The following GUCY2C variants were observed in gnomAD, a reference collection of about 807,000 sequenced individuals.
GUCY2C encodes the protein guanylate cyclase 2C, also known as guanylyl cyclase C.
GUCY2C carries 118 observed loss-of-function variants against 131.1 expected under a neutral mutation model. The observed-to-expected ratio is 0.90, with a 90% CI of 0.78 to 1.05. The LOEUF (loss-of-function observed/expected upper bound fraction) is 1.05. Among genes scored for constraint, GUCY2C ranks in the 50% least tolerant of loss-of-function variants. The probability of loss-of-function intolerance (pLI) is 0.00; values close to 1 mark genes in which losing one functional copy is unlikely to be tolerated. For synonymous variants in GUCY2C, 452 were observed against 457.8 expected (o/e 0.99, Z 0.16); for missense variants, 1,161 against 1,304.4 (o/e 0.89, Z 1.69).
Position 14,621,114 on chromosome 12 carries a change from T to C in GUCY2C, c.2704A>G (p.Ser902Gly), listed in dbSNP as rs774990385. The change falls in exon 23 of 27, where the codon AGC (serine) becomes GGC (glycine). Residue 902 changes from serine (S) to glycine (G), a missense_variant. By Grantham distance (56) the Ser-to-Gly change is moderately conservative. Transcript: ENST00000261170. ...TCCAGCTCAAAGGTCCCCATGAAGC[T>C]GAGGATTTCCAAGGCCATCTTGGCA... ...DIAKMALEIL[S>G]FMGTFELEHL... is the part of the protein sequence containing the mutation. 1.7e-4 allele frequency: 275 copies of C among 1,613,914 alleles called. No individual in the cohort carries two copies. The highest frequency in any genetic ancestry group is 2.3e-4 in the Non-Finnish European group (270 of 1,179,926).
rs113545027 is a variant in GUCY2C at position 14,625,477 on chromosome 12, G to A, written c.2408+280C>T. On this transcript the variant is annotated intron_variant, in intron 21 of 26. Coordinates refer to ENST00000261170, the MANE Select transcript of GUCY2C (RefSeq NM_004963.4). ...CGAGTAGCTGGGACTAAAGGTGCGCGCCACCACACCTGGCTAATTTTTTTT... is the reference window on the plus strand; with the variant it reads ...CGAGTAGCTGGGACTAAAGGTGCGCACCACCACACCTGGCTAATTTTTTTT... Among the ~76,000 whole-genome samples the A allele has an allele frequency of 0.015, 2,263 of 151,836 alleles. 65 individuals carry two copies. The highest frequency in any genetic ancestry group is 0.052 in the African/African-American group (2,164 of 41,366).
chr12:14,625,548 T>C (rs1238818687), intron 21 of GUCY2C, among the ~76,000 whole-genome samples: 4 of 152,118 alleles, frequency 2.6e-5, no homozygotes, highest in African/African-American at 7.2e-5. Flanking sequence ...TTAGCCAGGA[T>C]GGTCTTGATC....
chr12:14,655,522 C>A (rs572295955), intron 12 of GUCY2C, among the ~76,000 whole-genome samples: 9 of 152,256 alleles, frequency 5.9e-5, no homozygotes, highest in African/African-American at 1.7e-4. Flanking sequence ...GGGTCAAGAG[C>A]TGGTAGAGAG....
rs1946844405 is a variant in GUCY2C, at chr12:14,619,242, G to C, written c.2844C>G (p.Asn948Lys). The change falls in exon 24 of 27, where the codon AAC becomes AAG. Residue 948 changes from asparagine (N) to lysine (K), a missense_variant. Transcript: ENST00000261170. The stretch of plus-strand genomic sequence containing the variant: ...CAGTGGATTCCATCCTAGAGGCTGT[G>C]TTGACCGTATCTCCAAATAGACAAT... Reference protein sequence around the residue: ...PRYCLFGDTVNTASRMESTGL... With the variant: ...PRYCLFGDTVKTASRMESTGL... 6.2e-7 allele frequency: 1 copy of C among 1,610,932 alleles called. No individual in the cohort carries two copies. Among genetic ancestry groups the C allele is most frequent in the African/African-American group, 1.3e-5 (1 of 74,854 alleles).
intron 16 of GUCY2C, 141 bp downstream of exon 16, chr12:14,645,087 AC>A (rs1419798493): frequency 4.5e-5 from 24 of 531,672 alleles, no homozygotes; most frequent in Non-Finnish European, 5.6e-5. Flanking sequence ...AATCCTCATA[AC>A]CTAAAATCCT....
intron 19 of GUCY2C, among the ~76,000 whole-genome samples, chr12:14,636,917 C>T (rs781074113): frequency 2.0e-5 from 3 of 151,532 alleles, no homozygotes; most frequent in South Asian, 2.1e-4. Flanking sequence ...GGTGAAACCC[C>T]GTCTCTACTA....
At chr12:14,622,766 G>C (rs1946921795) in intron 21 of GUCY2C, among the ~76,000 whole-genome samples, 1 of 152,098 alleles carries the variant, frequency 6.6e-6, no homozygotes, top group South Asian at 2.1e-4. Flanking sequence ...ACCAGATTTG[G>C]GTCCTTTGTA....
intron 6 of GUCY2C, among the ~76,000 whole-genome samples, chr12:14,677,380 T>C (rs1948257118): frequency 6.6e-6 from 1 of 152,140 alleles, no homozygotes; most frequent in African/African-American, 2.4e-5. Flanking sequence ...TTTTAGATGG[T>C]GAAACATAAG....
intron 1 of GUCY2C, among the ~76,000 whole-genome samples, 197 bp from the exon 2 acceptor site, chr12:14,688,260 T>TTCTCTC (rs137861179): frequency 6.6e-6 from 1 of 151,546 alleles, no homozygotes; most frequent in Non-Finnish European, 1.5e-5. Flanking sequence ...TCATCTCTGT[T>TTCTCTC]TCTCTCTCTC....
chr12:14,632,163 C>T (rs1192340765), intron 19 of GUCY2C, among the ~76,000 whole-genome samples: 1 of 151,968 alleles, frequency 6.6e-6, no homozygotes, highest in African/African-American at 2.4e-5. Flanking sequence ...AAAATTTTCT[C>T]CCATTTTGTA....
chr12:14,647,100 G>A (rs1947537493), intron 15 of GUCY2C, among the ~76,000 whole-genome samples: 1 of 152,098 alleles, frequency 6.6e-6, no homozygotes, highest in Non-Finnish European at 1.5e-5. Context: ...GTGGAAGAGA[G>A]AATGAAAAGG....
intron 6 of GUCY2C, among the ~76,000 whole-genome samples, chr12:14,677,225 T>C (rs566878105): frequency 1.3e-5 from 2 of 152,308 alleles, no homozygotes; most frequent in African/African-American, 4.8e-5. Context: ...TTTCTTGATT[T>C]CTTTGAGATT....
chr12:14,626,413 G>A (rs1409752521), intron 20 of GUCY2C, among the ~76,000 whole-genome samples: 2 of 152,154 alleles, frequency 1.3e-5, no homozygotes, highest in African/African-American at 4.8e-5. Context: ...GGTAATCAAC[G>A]TAGGAGAAGG....
intron 25 of GUCY2C, among the ~76,000 whole-genome samples, chr12:14,616,222 G>A (rs543132915): frequency 2.3e-4 from 35 of 152,258 alleles, no homozygotes; most frequent in African/African-American, 8.4e-4. Flanking sequence ...TGATTCTAGA[G>A]CTTCCGAATA....
intron 16 of GUCY2C, among the ~76,000 whole-genome samples, chr12:14,644,923 A>C (rs910514711): frequency 6.6e-6 from 1 of 151,728 alleles, no homozygotes; most frequent in African/African-American, 2.4e-5. Flanking sequence ...TCTTTCTTGT[A>C]GTTTTATATG....
At chr12:14,635,420 T>A (rs1947246405) in intron 19 of GUCY2C, among the ~76,000 whole-genome samples, 1 of 152,042 alleles carries the variant, frequency 6.6e-6, no homozygotes, top group Non-Finnish European at 1.5e-5. Context: ...AAATGAAAAT[T>A]TAAACACAGC....
chr12:14,689,851 T>A (rs1484881768), intron 1 of GUCY2C, among the ~76,000 whole-genome samples: 1 of 152,178 alleles, frequency 6.6e-6, no homozygotes, highest in East Asian at 1.9e-4. Context: ...ACTGAGTAAA[T>A]AGTCTATGAG....
Position 14,674,614 on chromosome 12 carries a change from T to C in GUCY2C, c.1084+11A>G, listed in dbSNP as rs1948188424. The C allele has an allele frequency of 5.0e-6, 8 of 1,612,858 alleles. No homozygotes were observed. In the East Asian group the frequency reaches 1.8e-4, roughly 36 times the overall value. On this transcript the variant is annotated intron_variant, in intron 8 of 26. Coordinates refer to ENST00000261170, the MANE Select transcript of GUCY2C (RefSeq NM_004963.4). ...TCACCTTGGGGTTATTTGCTCTTAG[T>C]AGACCAGTACCTTCAAAAGTGAGAT...
At chr12:14,674,581 A>G (rs767074288) in intron 8 of GUCY2C, 44 bp downstream of exon 8, 7 of 1,593,730 alleles carry the variant, frequency 4.4e-6, no homozygotes, top group Non-Finnish European at 1.7e-6. Flanking sequence ...CAGAAAGCCT[A>G]CATTTCTTCA....
Sources: gnomAD v4.1 joint callset for allele counts (sites outside exome capture counted in the v4.1 genomes callset) on GRCh38, gnomAD v4.1.1 for gene constraint, MANE v1.5 for transcripts, NCBI Gene and HGNC (gene_info 2026-07-23, HGNC 2026-07-21) for gene names.